Variants in UBR4 observed in about 807,000 individuals in gnomAD.
UBR4 encodes the protein ubiquitin protein ligase E3 component n-recognin 4.
A neutral mutation model predicts 575.6 loss-of-function variants in UBR4; 124 were observed. The observed-to-expected ratio is 0.22, with a 90% CI of 0.19 to 0.25. UBR4 has a LOEUF of 0.25. Among genes scored for constraint, UBR4 ranks in the 10% least tolerant of loss-of-function variants. The pLI is 1.00. For missense variants in UBR4, 4,818 were observed against 6,478.8 expected (o/e 0.74, Z 8.80); for synonymous variants, 2,455 against 2,473.7 (o/e 0.99, Z 0.22).
chr1:19,113,826 T>C lies in UBR4; in HGVS notation c.11330A>G (p.Asp3777Gly). The change falls in exon 77 of 106, where the codon GAT (aspartate) becomes GGT (glycine). Residue 3777 changes from aspartate to glycine, a missense_variant and splice_region_variant. Coordinates refer to ENST00000375254, the MANE Select transcript of UBR4 (RefSeq NM_020765.3). ...VNEAAPEKPQ[D>G]DSGTAGGISS... Reference sequence around the variant, plus strand: ...GATGCCCCCTGCTGTTCCTGAGTCATCCTGCAACCCCAAGAGGTAAGCTGT... The same window carrying C: ...GATGCCCCCTGCTGTTCCTGAGTCACCCTGCAACCCCAAGAGGTAAGCTGT... 1.9e-6 allele frequency: 3 copies of C among 1,614,188 alleles called. No homozygotes were observed. The highest frequency in any genetic ancestry group is 2.5e-6 in the Non-Finnish European group (3 of 1,180,024).
At chr1:19,081,659 G>T in intron 102 of UBR4, 86 bp from the exon 103 acceptor site, 2 of 1,439,578 alleles carry the variant, frequency 1.4e-6, no homozygotes, top group Non-Finnish European at 2.0e-6. Context: ...TCAATTTGTC[G>T]TTGTCTTGTG....
intron 15 of UBR4, 144 bp from the exon 16 acceptor site, chr1:19,184,319 C>T (rs2091314163): frequency 3.3e-6 from 3 of 921,688 alleles, no homozygotes; most frequent in Middle Eastern, 6.8e-4. Flanking sequence ...TTTTAAATCA[C>T]TTACAGTGGG....
chr1:19,150,630 A>G lies in UBR4; in HGVS notation c.7377T>C (p.Thr2459=). The change falls in exon 49 of 106, where the codon ACT becomes ACC. Residue 2459 remains threonine (T), a synonymous_variant. Transcript: ENST00000375254. The stretch of plus-strand genomic sequence containing the variant: ...TGGGGGCAGCTGAGTCGCTATCTCC[A>G]GTGCCGTTGCTCTGGTTCAGATTTG... ...CPSNLNQSNG[T]GDSDSAAPTT... 6.2e-7 allele frequency: 1 copy of G among 1,614,062 alleles called. No individual in the cohort carries two copies. The highest frequency in any genetic ancestry group is 1.3e-5 in the African/African-American group (1 of 75,056).
In UBR4 at chr1:19,112,844, C is replaced by A; in HGVS notation, c.11481G>T (p.Glu3827Asp). ...TCTGCTGTAGGTCATATTCCAACAA[C>A]TCTTTGCGCGAAGCAAAGACTTTCT... Reference protein sequence around the residue: ...IIQKVFASRKELLEYDLQQRE... With the variant: ...IIQKVFASRKDLLEYDLQQRE... Residue 3827 changes from glutamate (E) to aspartate (D), a missense_variant, in exon 78 of 106, where the codon GAG (glutamate) becomes GAT (aspartate). Physicochemically the swap from Glu to Asp is conservative, Grantham distance 45. Transcript: ENST00000375254. 1 of 1,589,712 alleles carries A rather than the reference C, an allele frequency of 6.3e-7. No individual in the cohort carries two copies. Among genetic ancestry groups the A allele is most frequent in the Non-Finnish European group, 8.6e-7 (1 of 1,164,240 alleles).
Position 19,151,628 on chromosome 1 carries a change from G to C in UBR4, c.7213+15C>G. 6.2e-7 allele frequency: 1 copy of C among 1,613,740 alleles called. No individual in the cohort carries two copies. Among genetic ancestry groups the C allele is most frequent in the Admixed American group, 1.7e-5 (1 of 60,020 alleles). On this transcript the variant is annotated intron_variant, in intron 48 of 105. Transcript: ENST00000375254. ...ACAATGAGGACAGAGTCTGCACCAG[G>C]GGTTGGTGACTCACTGAAGAGGTTC...
chr1:19,164,722 C>T (rs185741897), intron 32 of UBR4, 77 bp downstream of exon 32: 59 of 1,547,120 alleles, frequency 3.8e-5, no homozygotes, highest in African/African-American at 6.8e-5. Flanking sequence ...GACTGGTGCC[C>T]GAAGGAAAGA....
intron 25 of UBR4, among the ~76,000 whole-genome samples, chr1:19,171,218 CAA>C (rs11365192): frequency 6.6e-6 from 1 of 151,802 alleles, no homozygotes; most frequent in Admixed American, 6.6e-5. Context: ...CAAAACAAAA[CAA>C]AAAAAACTGT....
intron 60 of UBR4, among the ~76,000 whole-genome samples, chr1:19,132,614 A>AAAAAAC (rs2082664317): frequency 6.8e-6 from 1 of 147,224 alleles, no homozygotes; most frequent in African/African-American, 2.5e-5. Flanking sequence ...GTAAAAAAAA[A>AAAAAAC]AAAAAAAAAA....
chr1:19,145,058 T>A, intron 53 of UBR4, 151 bp from the exon 54 acceptor site: 1 of 807,798 alleles, frequency 1.2e-6, no homozygotes, highest in Non-Finnish European at 1.9e-6. Flanking sequence ...TCACACACAG[T>A]AGCCTGTATT....
intron 1 of UBR4, among the ~76,000 whole-genome samples, chr1:19,208,466 CAAAAAAAAA>C (rs71030137): frequency 1.2e-4 from 9 of 76,892 alleles, no homozygotes; most frequent in African/African-American, 2.6e-4. Context: ...GAATCCATCT[CAAAAAAAAA>C]AAAAAAAAAA....
At position 19,176,579 on chromosome 1, in the gene UBR4, T is replaced by C; in HGVS notation, c.2773+13A>G. The C allele has an allele frequency of 6.2e-7, 1 of 1,611,578 alleles. No individual in the cohort carries two copies. The highest frequency in any genetic ancestry group is 1.1e-5 in the South Asian group (1 of 90,964). ...CAGTAAGTCAGTTTCTTATTAACAG[T>C]CTTCTTTCTGACCTGATGAGAAATG... On this transcript the variant is annotated intron_variant, in intron 20 of 105. Transcript: ENST00000375254.
intron 44 of UBR4, 145 bp downstream of exon 44, chr1:19,154,773 A>T: frequency 8.5e-7 from 1 of 1,177,840 alleles, no homozygotes; most frequent in Non-Finnish European, 1.2e-6. Context: ...CCTTGATTTT[A>T]AAGATACCTA....
At chr1:19,150,507 A>T (rs1231299298) in intron 49 of UBR4, 70 bp downstream of exon 49, 1 of 1,539,038 alleles carries the variant, frequency 6.5e-7, no homozygotes, top group African/African-American at 1.4e-5. Context: ...TGGCTCTCTC[A>T]AGACACAGGA....
intron 39 of UBR4, 146 bp downstream of exon 39, chr1:19,159,965 T>C (rs2087059630): frequency 9.9e-7 from 1 of 1,010,408 alleles, no homozygotes; most frequent in Non-Finnish European, 1.4e-6. Flanking sequence ...GTTCTGGGCA[T>C]GTCATGATGT....
Position 19,164,954 on chromosome 1 carries a change from G to C in UBR4, c.4356C>G (p.Ser1452=). ...GTTCCACACAGGCCAGTTGTGCCAGGGAGCCACAGAGATGCAACAGGCTCG... is the reference window on the plus strand; with the variant it reads ...GTTCCACACAGGCCAGTTGTGCCAGCGAGCCACAGAGATGCAACAGGCTCG... The part of the protein sequence containing the change: ...PNPSLLHLCG[S]LAQLACVEPV... Residue 1452 remains serine (S), a synonymous_variant, in exon 32 of 106, where the codon TCC becomes TCG. Coordinates refer to ENST00000375254, the MANE Select transcript of UBR4 (RefSeq NM_020765.3). The C allele has an allele frequency of 1.2e-6, 2 of 1,614,166 alleles. No homozygotes were observed. The highest frequency in any genetic ancestry group is 2.2e-5 in the East Asian group (1 of 44,878).
chr1:19,123,617 T>C (rs561014581), intron 65 of UBR4, among the ~76,000 whole-genome samples: 2 of 152,278 alleles, frequency 1.3e-5, no homozygotes, highest in South Asian at 2.1e-4. Context: ...CATCTCTTCC[T>C]TGTGCCCTTA....
chr1:19,131,584 C>G (rs953174957), intron 60 of UBR4, among the ~76,000 whole-genome samples: 1 of 152,070 alleles, frequency 6.6e-6, no homozygotes, highest in African/African-American at 2.4e-5. Flanking sequence ...CAAAAAAAAT[C>G]TAAAATACAC....
chr1:19,104,734 T>A, intron 85 of UBR4, 68 bp from the exon 86 acceptor site: 1 of 1,503,668 alleles, frequency 6.7e-7, no homozygotes, highest in Non-Finnish European at 9.2e-7. Context: ...TCCACCACTG[T>A]CCCAGGAGCT....
intron 17 of UBR4, 59 bp from the exon 18 acceptor site, chr1:19,179,279 G>C: frequency 6.9e-7 from 1 of 1,443,772 alleles, no homozygotes; most frequent in Non-Finnish European, 9.1e-7. Context: ...AAGTCAAAAG[G>C]TTACTCATGT....
Sources: gnomAD v4.1 joint callset for allele counts (sites outside exome capture counted in the v4.1 genomes callset) on GRCh38, gnomAD v4.1.1 for gene constraint, MANE v1.5 for transcripts, NCBI Gene and HGNC (gene_info 2026-07-23, HGNC 2026-07-21) for gene names.